Variants in SLC9A9 observed in about 807,000 individuals in gnomAD.
SLC9A9 encodes the protein solute carrier family 9 member A9.
A neutral mutation model predicts 77.8 loss-of-function variants in SLC9A9; 62 were observed. The observed-to-expected ratio is 0.80, with a 90% CI of 0.65 to 0.98. SLC9A9 has a LOEUF of 0.98. Ranked by LOEUF, SLC9A9 falls within the 50% of genes least tolerant of loss-of-function variation. The probability of loss-of-function intolerance (pLI) is 0.00; values close to 1 mark genes in which losing one functional copy is unlikely to be tolerated. For missense variants in SLC9A9, 775 were observed against 774.9 expected (o/e 1.00, Z 0.00); for synonymous variants, 320 against 283.5 (o/e 1.13, Z -1.29).
chr3:143,580,359 G>A (rs2037432100), intron 6 of SLC9A9, among the ~76,000 whole-genome samples: 1 of 152,124 alleles, frequency 6.6e-6, no homozygotes, highest in African/African-American at 2.4e-5. Context: ...ATTAACCTGT[G>A]GTTGCCACTA....
chr3:143,467,113 T>A lies in SLC9A9; in HGVS notation c.1393A>T (p.Thr465Ser), dbSNP rs779273830. 1 of 1,614,158 alleles carries A rather than the reference T, an allele frequency of 6.2e-7. No homozygotes were observed. The highest frequency in any genetic ancestry group is 2.2e-5 in the East Asian group (1 of 44,854). The change falls in exon 12 of 16, where the codon ACG (threonine) becomes TCG (serine). Residue 465 changes from threonine (T) to serine (S), a missense_variant. By Grantham distance (58) the Thr-to-Ser change is moderately conservative. Transcript: ENST00000316549. ...ACAGTGAAGAACACGAGGAGCAGCG[T>A]AGTGGTAAACATCATTTGTTTGGGC... is the stretch of plus-strand genomic sequence containing the variant. ...SQPKQMMFTT[T>S]LLLVFFTVWV...
intron 14 of SLC9A9, among the ~76,000 whole-genome samples, chr3:143,332,263 A>G (rs535521290): frequency 1.3e-5 from 2 of 151,938 alleles, no homozygotes; most frequent in East Asian, 3.9e-4. Flanking sequence ...TGCTGAGCCC[A>G]GGCCAACCCT....
At chr3:143,503,911 G>T in intron 9 of SLC9A9, 1 of 374,146 alleles carries the variant, frequency 2.7e-6, no homozygotes, top group South Asian at 2.1e-5. Flanking sequence ...AGGGGGCAGA[G>T]ATGATGACTC....
At chr3:143,269,398 G>A (rs538619984) in intron 14 of SLC9A9, among the ~76,000 whole-genome samples, 1 of 152,328 alleles carries the variant, frequency 6.6e-6, no homozygotes, top group South Asian at 2.1e-4. Context: ...TTTATAAAAT[G>A]TTCAGTTATT....
At chr3:143,796,741 G>T in intron 3 of SLC9A9, 85 bp downstream of exon 3, 1 of 886,814 alleles carries the variant, frequency 1.1e-6, no homozygotes, top group Non-Finnish European at 1.8e-6. Context: ...AAATAGAGAA[G>T]CCCATAAAAA....
chr3:143,382,508 C>G (rs1056341884), intron 12 of SLC9A9, among the ~76,000 whole-genome samples: 2 of 152,156 alleles, frequency 1.3e-5, no homozygotes, highest in Non-Finnish European at 2.9e-5. Context: ...TGTGCCCAGC[C>G]TGGAGCAGGG....
At chr3:143,440,768 C>T (rs1183412019) in intron 12 of SLC9A9, among the ~76,000 whole-genome samples, 2 of 152,086 alleles carry the variant, frequency 1.3e-5, no homozygotes, top group East Asian at 3.8e-4. Flanking sequence ...CAGTGTACAC[C>T]CCAAAGGAGC....
intron 2 of SLC9A9, among the ~76,000 whole-genome samples, chr3:143,811,357 A>T (rs900141590): frequency 6.6e-6 from 1 of 152,092 alleles, no homozygotes; most frequent in Non-Finnish European, 1.5e-5. Context: ...AAAAAAGAAT[A>T]CTCTCAGAAT....
intron 14 of SLC9A9, among the ~76,000 whole-genome samples, chr3:143,304,365 T>G (rs1263612853): frequency 6.6e-6 from 1 of 152,222 alleles, no homozygotes; most frequent in Non-Finnish European, 1.5e-5. Context: ...CGCATATGTT[T>G]GACTCCAGAA....
At chr3:143,551,412 G>C (rs144325380) in intron 9 of SLC9A9, among the ~76,000 whole-genome samples, 73 of 152,298 alleles carry the variant, frequency 4.8e-4, no homozygotes, top group Non-Finnish European at 9.0e-4. Flanking sequence ...TATCCCACTT[G>C]CTTTAGCCTT....
At chr3:143,544,805 T>C (rs1475174105) in intron 9 of SLC9A9, among the ~76,000 whole-genome samples, 3 of 152,228 alleles carry the variant, frequency 2.0e-5, no homozygotes, top group Non-Finnish European at 4.4e-5. Context: ...TTTAAGGTCC[T>C]ACATTTAAGT....
chr3:143,669,153 A>G (rs1359886115), intron 5 of SLC9A9, among the ~76,000 whole-genome samples: 1 of 152,204 alleles, frequency 6.6e-6, no homozygotes, highest in Non-Finnish European at 1.5e-5. Context: ...TCACTCTTCC[A>G]TGGTTTTGAC....
chr3:143,736,291 T>C (rs766410969), intron 4 of SLC9A9, among the ~76,000 whole-genome samples: 16 of 152,204 alleles, frequency 1.1e-4, no homozygotes, highest in Non-Finnish European at 2.2e-4. Context: ...TGTTTATTTG[T>C]TTATTTCTCT....
At chr3:143,628,171 A>G (rs1198861681) in intron 6 of SLC9A9, among the ~76,000 whole-genome samples, 1 of 152,176 alleles carries the variant, frequency 6.6e-6, no homozygotes, top group African/African-American at 2.4e-5. Context: ...GGACAGCTAG[A>G]TGGAGGATGG....
intron 14 of SLC9A9, among the ~76,000 whole-genome samples, chr3:143,338,079 C>A (rs546107602): frequency 6.6e-6 from 1 of 152,132 alleles, no homozygotes; most frequent in African/African-American, 2.4e-5. Flanking sequence ...ACTCACATAT[C>A]TTTGGAGAGA....
chr3:143,284,952 A>G (rs1938340672), intron 14 of SLC9A9, among the ~76,000 whole-genome samples: 1 of 152,292 alleles, frequency 6.6e-6, no homozygotes, highest in South Asian at 2.1e-4. Context: ...TCCTATTGAT[A>G]TATCACAAAT....
At chr3:143,536,490 T>G (rs1428113434) in intron 9 of SLC9A9, among the ~76,000 whole-genome samples, 1 of 152,210 alleles carries the variant, frequency 6.6e-6, no homozygotes, top group African/African-American at 2.4e-5. Context: ...TGAAAGTAGA[T>G]TCCCATTTTT....
At chr3:143,609,404 CT>C (rs1316197137) in intron 6 of SLC9A9, among the ~76,000 whole-genome samples, 1 of 152,082 alleles carries the variant, frequency 6.6e-6, no homozygotes, top group Non-Finnish European at 1.5e-5. Context: ...AGAATCAATA[CT>C]TTTTCAATTA....
intron 4 of SLC9A9, among the ~76,000 whole-genome samples, chr3:143,794,665 TACAAG>T: frequency 6.6e-6 from 1 of 152,224 alleles, no homozygotes; most frequent in Admixed American, 6.5e-5. Flanking sequence ...GGTCTCTCAA[TACAAG>T]ACAAAAAAGA....
Sources: allele counts gnomAD v4.1 joint callset (sites outside exome capture counted in the v4.1 genomes callset), GRCh38; gene constraint gnomAD v4.1.1; transcripts MANE v1.5; gene names NCBI Gene and HGNC (gene_info 2026-07-23, HGNC 2026-07-21).